Variants in ODAD4 observed in about 807,000 individuals in gnomAD.
ODAD4 encodes the protein outer dynein arm-docking complex subunit 4.
A neutral mutation model predicts 51.8 loss-of-function variants in ODAD4; 49 were observed. That is an observed-to-expected ratio of 0.95 (90% CI 0.75 to 1.20). The LOEUF is 1.20. ODAD4 is among the 50% of genes most tolerant of loss of function. The probability of loss-of-function intolerance (pLI) is 0.00; values close to 1 mark genes in which losing one functional copy is unlikely to be tolerated. For missense variants in ODAD4, 590 were observed against 586.5 expected, an observed-to-expected ratio of 1.01 and a Z score of -0.06; for synonymous variants, 235 against 221.3, an observed-to-expected ratio of 1.06 and a Z score of -0.55.
At chr17:41,958,978 C>T (rs2050769527) in intron 10 of ODAD4, among the ~76,000 whole-genome samples, 2 of 151,348 alleles carry the variant, frequency 1.3e-5, no homozygotes, top group Admixed American at 6.6e-5. Context: ...CACGCCACTG[C>T]ACTCCAGCCT....
chr17:41,931,865 G>T (rs2050345903), intron 1 of ODAD4, among the ~76,000 whole-genome samples: 1 of 152,018 alleles, frequency 6.6e-6, no homozygotes, highest in South Asian at 2.1e-4. Context: ...AGTAACCCTA[G>T]TATAAATTGC....
At chr17:41,955,879 T>G (rs1035918165) in intron 10 of ODAD4, among the ~76,000 whole-genome samples, 1 of 152,012 alleles carries the variant, frequency 6.6e-6, no homozygotes, top group Non-Finnish European at 1.5e-5. Flanking sequence ...GTGGCACTGT[T>G]ATGGCTCATT....
chr17:41,964,606 G>T (rs1555642229), intron 11 of ODAD4, among the ~76,000 whole-genome samples: 2 of 152,106 alleles, frequency 1.3e-5, no homozygotes, highest in African/African-American at 2.4e-5. Flanking sequence ...CCTCTCAAAA[G>T]CACAGGCCTC....
intron 10 of ODAD4, among the ~76,000 whole-genome samples, chr17:41,959,290 C>T (rs1479315652): frequency 2.0e-5 from 3 of 152,218 alleles, no homozygotes; most frequent in Admixed American, 6.5e-5. Context: ...AGACAGCTTC[C>T]TTAAGCCCTT....
chr17:41,945,224 T>C lies in ODAD4; in HGVS notation c.1145+2T>C. Reference sequence around the variant, plus strand: ...GAAATTCCAGCAAGCCATTGACACGTGAGTGACCAAGAATTGCCTCTTCCC... The same window carrying C: ...GAAATTCCAGCAAGCCATTGACACGCGAGTGACCAAGAATTGCCTCTTCCC... On this transcript the variant is annotated splice_donor_variant, in intron 8 of 11. Coordinates refer to ENST00000377540, the MANE Select transcript of ODAD4 (RefSeq NM_031421.5). LOFTEE classifies it high-confidence loss of function. The C allele has an allele frequency of 6.2e-7, 1 of 1,610,910 alleles. No individual in the cohort carries two copies. The highest frequency in any genetic ancestry group is 8.5e-7 in the Non-Finnish European group (1 of 1,178,454).
chr17:41,945,757 C>G (rs146954935), intron 8 of ODAD4, among the ~76,000 whole-genome samples: 2 of 152,174 alleles, frequency 1.3e-5, no homozygotes, highest in East Asian at 3.9e-4. Flanking sequence ...AAAAATTAGC[C>G]GAACACGTTG....
intron 9 of ODAD4, among the ~76,000 whole-genome samples, chr17:41,954,254 T>C (rs1442326334): frequency 6.6e-6 from 1 of 152,056 alleles, no homozygotes; most frequent in Non-Finnish European, 1.5e-5. Context: ...CCCAAAGTGC[T>C]GGGATTACAG....
chr17:41,930,881 C>CTTTTTTTTTTTTTTTTTTTTTTTT lies in ODAD4; in HGVS notation c.114+50_114+73dup, dbSNP rs782820445. The CTTTTTTTTTTTTTTTTTTTTTTTT allele has an allele frequency of 8.2e-5, 8 of 97,238 alleles. 1 individual carries two copies. Among genetic ancestry groups the CTTTTTTTTTTTTTTTTTTTTTTTT allele is most frequent in the African/African-American group, 4.9e-4 (6 of 12,132 alleles). The allele number at this position is 97,238 out of a possible 1,614,324, so 6.0% of individuals were successfully genotyped here. ...CTATCCATCACCCCATCACCCGTCACTTTTTTTTTTTTTTTTTTTTTTTTT... is the reference window on the plus strand; with the variant it reads ...CTATCCATCACCCCATCACCCGTCACTTTTTTTTTTTTTTTTTTTTTTTTTTTTTTTTTTTTTTTTTTTTTTTTT... On this transcript the variant is annotated intron_variant, in intron 1 of 11. Coordinates refer to ENST00000377540, the MANE Select transcript of ODAD4 (RefSeq NM_031421.5).
At chr17:41,959,026 A>AG (rs2050770471) in intron 10 of ODAD4, among the ~76,000 whole-genome samples, 1 of 152,152 alleles carries the variant, frequency 6.6e-6, no homozygotes, top group Non-Finnish European at 1.5e-5. Flanking sequence ...AAAAAAAAAA[A>AG]AAGCTACATG....
chr17:41,936,338 T>C (rs2050426085), intron 3 of ODAD4, 135 bp from the exon 4 acceptor site: 5 of 664,362 alleles, frequency 7.5e-6, no homozygotes, highest in Non-Finnish European at 1.4e-5. Flanking sequence ...ATTTGCCTGC[T>C]AGGCTGGCTT....
chr17:41,946,819 C>T (rs1555639641), intron 8 of ODAD4, among the ~76,000 whole-genome samples: 1 of 151,300 alleles, frequency 6.6e-6, no homozygotes, highest in Non-Finnish European at 1.5e-5. Context: ...GCTGGGACTA[C>T]AGTTGTGTGC....
chr17:41,939,446 G>T (rs781998236), intron 7 of ODAD4, among the ~76,000 whole-genome samples: 2 of 152,172 alleles, frequency 1.3e-5, no homozygotes, highest in Non-Finnish European at 2.9e-5. Flanking sequence ...TCTTACATCA[G>T]CTTAACGAGC....
At chr17:41,943,395 A>C (rs1282192342) in intron 7 of ODAD4, among the ~76,000 whole-genome samples, 3 of 152,202 alleles carry the variant, frequency 2.0e-5, no homozygotes, top group Non-Finnish European at 4.4e-5. Flanking sequence ...GTGAGCAACA[A>C]GGCTGTTTAT....
rs573006710 is a variant in ODAD4, at chr17:41,935,553, A to G, written c.247-46A>G. The stretch of plus-strand genomic sequence containing the variant: ...TTCTGTTCCACCACATGTGAGTCCT[A>G]TAAGGCCTTATCTGTTCACATTGAT... On this transcript the variant is annotated intron_variant, in intron 2 of 11. Coordinates refer to ENST00000377540, the MANE Select transcript of ODAD4 (RefSeq NM_031421.5). 8 of 1,583,160 alleles carry G rather than the reference A, an allele frequency of 5.1e-6. No individual in the cohort carries two copies. The African/African-American group carries it at 6.7e-5, about 13-fold the overall frequency.
intron 1 of ODAD4, among the ~76,000 whole-genome samples, chr17:41,934,575 C>T (rs1172419251): frequency 6.6e-6 from 1 of 152,112 alleles, no homozygotes; most frequent in East Asian, 1.9e-4. Context: ...TGGTCTCAAA[C>T]TCTTGGGCTC....
chr17:41,941,754 G>A (rs1159983648), intron 7 of ODAD4, among the ~76,000 whole-genome samples: 20 of 133,310 alleles, frequency 1.5e-4, no homozygotes, highest in Admixed American at 1.4e-3. Context: ...GCGACAGAGC[G>A]AGACTCCGTC....
chr17:41,947,216 G>A (rs2050601107), intron 8 of ODAD4, among the ~76,000 whole-genome samples: 1 of 149,836 alleles, frequency 6.7e-6, no homozygotes, highest in African/African-American at 2.4e-5. Flanking sequence ...GCTCACGCCT[G>A]TAATCCCAGC....
At position 41,955,139 on chromosome 17, in the gene ODAD4, C is replaced by T. The variant is rs782587468; in HGVS notation, c.1343-78C>T. The T allele has an allele frequency of 1.4e-4, 105 of 725,830 alleles. 1 individual carries two copies. The highest frequency in any genetic ancestry group is 4.6e-4 in the Middle Eastern group (2 of 4,350). 45.0% of individuals were successfully genotyped at this position (725,830 alleles called of 1,614,324 possible). A position where few individuals can be genotyped will look rare whatever the true frequency, so the allele number is the denominator to read the frequency against. On this transcript the variant is annotated intron_variant, in intron 9 of 11. Coordinates refer to ENST00000377540, the MANE Select transcript of ODAD4 (RefSeq NM_031421.5). ...GCTTCTGATGGGCCCTGGCAGTGCT[C>T]GAGTAGCCAGAGGCTCCATCATGCA... is the stretch of plus-strand genomic sequence containing the variant.
At chr17:41,946,331 G>C (rs1225401465) in intron 8 of ODAD4, among the ~76,000 whole-genome samples, 3 of 151,892 alleles carry the variant, frequency 2.0e-5, no homozygotes, top group Non-Finnish European at 4.4e-5. Flanking sequence ...TTTTTTGTTT[G>C]TTTGTTTGTT....
Sources: allele counts gnomAD v4.1 joint callset (sites outside exome capture counted in the v4.1 genomes callset), GRCh38; gene constraint gnomAD v4.1.1; transcripts MANE v1.5; gene names NCBI Gene and HGNC (gene_info 2026-07-23, HGNC 2026-07-21).